The following PTPRT variants were observed in gnomAD, a reference collection of about 807,000 sequenced individuals.
PTPRT encodes receptor-type tyrosine-protein phosphatase T.
PTPRT carries 56 observed loss-of-function variants against 176.8 expected under a neutral mutation model. The ratio of observed to expected loss-of-function variants is 0.32; its 90% CI spans 0.26 to 0.40. The LOEUF (loss-of-function observed/expected upper bound fraction) is 0.40, where lower values mean the gene tolerates loss of function less well. PTPRT is among the 10% of genes least tolerant of loss of function. The probability of loss-of-function intolerance (pLI) is 1.00; values close to 1 mark genes in which losing one functional copy is unlikely to be tolerated. For missense variants in PTPRT, 1,540 were observed against 1,908.2 expected, an observed-to-expected ratio of 0.81 and a Z score of 3.60; for synonymous variants, 783 against 739.0, an observed-to-expected ratio of 1.06 and a Z score of -0.96.
chr20:42,506,406 G>A lies in PTPRT; in HGVS notation c.1154-33844C>T, dbSNP rs73273382. On this transcript the variant is annotated intron_variant, in intron 7 of 30. Transcript: ENST00000373187. ...GTGTATTATCCCAGTTCATATCTTGGGCCTTCTTTATTGACTTAATTCCTT... is the reference window on the plus strand; with the variant it reads ...GTGTATTATCCCAGTTCATATCTTGAGCCTTCTTTATTGACTTAATTCCTT... Among the ~76,000 whole-genome samples the A allele has an allele frequency of 8.7e-3, 1,321 of 152,014 alleles. 18 individuals carry two copies. The highest frequency in any genetic ancestry group is 0.031 in the African/African-American group (1,280 of 41,466).
intron 15 of PTPRT, among the ~76,000 whole-genome samples, chr20:42,216,699 A>G (rs1430173889): frequency 6.6e-6 from 1 of 152,106 alleles, no homozygotes; most frequent in African/African-American, 2.4e-5. Context: ...CCATTCCTTT[A>G]TTGTTGCATC....
chr20:42,182,540 A>G (rs1990565509), intron 16 of PTPRT, among the ~76,000 whole-genome samples: 1 of 152,074 alleles, frequency 6.6e-6, no homozygotes, highest in Non-Finnish European at 1.5e-5. Context: ...GTTAGTTTGG[A>G]ATGACTCCTA....
chr20:42,301,641 AACAG>A (rs1466311198), intron 12 of PTPRT, among the ~76,000 whole-genome samples: 1 of 149,730 alleles, frequency 6.7e-6, no homozygotes, highest in Non-Finnish European at 1.5e-5. Context: ...TAGATAGACA[AACAG>A]ACAAATAGGG....
chr20:42,745,289 A>G (rs1052152585), intron 6 of PTPRT, among the ~76,000 whole-genome samples: 11 of 152,150 alleles, frequency 7.2e-5, no homozygotes, highest in Non-Finnish European at 1.2e-4. Context: ...CTTCCCATCC[A>G]GTTTCTGCAC....
At chr20:43,006,849 G>A (rs1226266939) in intron 1 of PTPRT, among the ~76,000 whole-genome samples, 1 of 152,280 alleles carries the variant, frequency 6.6e-6, no homozygotes. Context: ...AGACACTGAT[G>A]ATAAGCTGAT....
chr20:43,022,488 CT>C (rs1973523805), intron 1 of PTPRT, among the ~76,000 whole-genome samples: 1 of 152,100 alleles, frequency 6.6e-6, no homozygotes. Flanking sequence ...ATTCTATTTC[CT>C]TTTTAACTGA....
chr20:42,992,471 C>T (rs565107286), intron 1 of PTPRT, among the ~76,000 whole-genome samples: 1 of 152,210 alleles, frequency 6.6e-6, no homozygotes. Context: ...AGGAACCTAG[C>T]TGCCCTGCCT....
At chr20:42,579,362 T>A (rs976376253) in intron 7 of PTPRT, among the ~76,000 whole-genome samples, 1 of 152,150 alleles carries the variant, frequency 6.6e-6, no homozygotes, top group African/African-American at 2.4e-5. Flanking sequence ...AGTGCTGCAA[T>A]AAACATGCGT....
intron 8 of PTPRT, among the ~76,000 whole-genome samples, chr20:42,469,157 T>C (rs936081821): frequency 6.6e-6 from 1 of 152,152 alleles, no homozygotes; most frequent in Non-Finnish European, 1.5e-5. Context: ...TTTCTTTATA[T>C]ACCATGCCAC....
At chr20:42,415,962 G>A (rs2059062531) in intron 9 of PTPRT, among the ~76,000 whole-genome samples, 1 of 152,340 alleles carries the variant, frequency 6.6e-6, no homozygotes, top group East Asian at 1.9e-4. Context: ...AACTTGCAAT[G>A]TAGAACTGTG....
chr20:42,876,140 G>T (rs2078926392), intron 2 of PTPRT, among the ~76,000 whole-genome samples: 1 of 152,042 alleles, frequency 6.6e-6, no homozygotes, highest in Non-Finnish European at 1.5e-5. Flanking sequence ...GTGGAGAGAG[G>T]TAACTTATAT....
Position 42,525,393 on chromosome 20 carries a change from C to T in PTPRT, c.1154-52831G>A, listed in dbSNP as rs569029216. Among the ~76,000 whole-genome samples, 313 of 152,250 alleles carry T rather than the reference C, an allele frequency of 2.1e-3. 3 individuals carry two copies. Among genetic ancestry groups the T allele is most frequent in the Admixed American group, 2.7e-3 (42 of 15,292 alleles). On this transcript the variant is annotated intron_variant, in intron 7 of 30. Transcript: ENST00000373187. ...CTTTATTCAGGGTGGAGCCTTTGTT[C>T]TAACTCCCCTTAATAAAACTGAAAC...
intron 9 of PTPRT, among the ~76,000 whole-genome samples, chr20:42,379,325 A>G (rs1415825627): frequency 1.3e-5 from 2 of 152,260 alleles, no homozygotes; most frequent in African/African-American, 4.8e-5. Context: ...GAAATGCATG[A>G]CAAAGTTCTA....
intron 1 of PTPRT, among the ~76,000 whole-genome samples, chr20:42,999,550 G>C (rs929746451): frequency 6.6e-6 from 1 of 151,962 alleles, no homozygotes; most frequent in South Asian, 2.1e-4. Flanking sequence ...GAGGCCAGGG[G>C]TTCGAGACCA....
At chr20:42,610,531 G>A (rs2145821773) in intron 7 of PTPRT, among the ~76,000 whole-genome samples, 1 of 152,016 alleles carries the variant, frequency 6.6e-6, no homozygotes, top group South Asian at 2.1e-4. Flanking sequence ...GAAATATGTA[G>A]ATTTGAACTT....
At chr20:42,487,327 T>A (rs2071480006) in intron 7 of PTPRT, among the ~76,000 whole-genome samples, 1 of 152,152 alleles carries the variant, frequency 6.6e-6, no homozygotes, top group African/African-American at 2.4e-5. Flanking sequence ...CTTCCTGTCC[T>A]CAACTCCCAA....
rs970833943 is a variant in PTPRT at position 42,211,048 on chromosome 20, G to T, written c.2343-11660C>A. On this transcript the variant is annotated intron_variant, in intron 15 of 30. Coordinates refer to ENST00000373187, the MANE Select transcript of PTPRT (RefSeq NM_007050.6). ...CTGAGAAAAACAAGCAATGGGGAAA[G>T]GATTCCCTCTCTAATAAATGGTGCT... Among the ~76,000 whole-genome samples, 4 of 152,078 alleles carry T rather than the reference G, an allele frequency of 2.6e-5. No homozygotes were observed. The South Asian group carries it at 6.2e-4, about 24-fold the overall frequency.
chr20:42,457,242 A>G (rs1339519690), intron 8 of PTPRT, among the ~76,000 whole-genome samples: 2 of 152,200 alleles, frequency 1.3e-5, no homozygotes, highest in African/African-American at 4.8e-5. Flanking sequence ...TTTATCATCA[A>G]ATAAATAAGA....
chr20:42,195,202 C>T (rs1175973349), intron 16 of PTPRT, among the ~76,000 whole-genome samples: 1 of 152,118 alleles, frequency 6.6e-6, no homozygotes, highest in Non-Finnish European at 1.5e-5. Flanking sequence ...TATGCAGGGA[C>T]AGGTAGAATT....
Sources: allele counts gnomAD v4.1 joint callset (sites outside exome capture counted in the v4.1 genomes callset), GRCh38; gene constraint gnomAD v4.1.1; transcripts MANE v1.5; gene names NCBI Gene and HGNC (gene_info 2026-07-23, HGNC 2026-07-21).